The following EXOC6B variants were observed in gnomAD, a reference collection of about 807,000 sequenced individuals.
EXOC6B encodes exocyst complex component 6B.
Under a neutral mutation model 113.5 loss-of-function variants are expected in EXOC6B, and 54 were observed. The ratio of observed to expected loss-of-function variants is 0.48; its 90% confidence interval spans 0.38 to 0.60. The LOEUF (loss-of-function observed/expected upper bound fraction) is 0.60. Among genes scored for constraint, EXOC6B ranks in the 20% least tolerant of loss-of-function variants. The pLI is 0.00. For synonymous variants in EXOC6B, 357 were observed against 339.0 expected (o/e 1.05, Z -0.58); for missense variants, 797 against 977.5 (o/e 0.82, Z 2.46).
chr2:72,431,413 G>A (rs1695510285), intron 18 of EXOC6B, among the ~76,000 whole-genome samples: 1 of 152,064 alleles, frequency 6.6e-6, no homozygotes, highest in Non-Finnish European at 1.5e-5. Context: ...TTGGGCTAAA[G>A]CAATCTTCCT....
chr2:72,658,198 T>C (rs562034920), intron 6 of EXOC6B, among the ~76,000 whole-genome samples: 111 of 145,864 alleles, frequency 7.6e-4, no homozygotes, highest in African/African-American at 2.5e-3. Flanking sequence ...TCTGAATTAA[T>C]TGGAGCAGAC....
intron 20 of EXOC6B, among the ~76,000 whole-genome samples, chr2:72,264,838 T>C (rs757181214): frequency 6.6e-6 from 1 of 152,104 alleles, no homozygotes; most frequent in South Asian, 2.1e-4. Context: ...CTTTCCTCTA[T>C]GATCATAAAT....
intron 18 of EXOC6B, among the ~76,000 whole-genome samples, chr2:72,427,271 C>T (rs900578874): frequency 2.6e-5 from 4 of 152,186 alleles, no homozygotes; most frequent in Non-Finnish European, 5.9e-5. Flanking sequence ...GCCCCCACCC[C>T]AGGCTGAAAG....
intron 1 of EXOC6B, among the ~76,000 whole-genome samples, chr2:72,778,901 T>TA (rs972771596): frequency 2.0e-5 from 3 of 152,210 alleles, no homozygotes; most frequent in Middle Eastern, 3.4e-3. Flanking sequence ...TTAGTTTTTT[T>TA]AAAAAAGCAG....
chr2:72,788,747 G>A (rs930880957), intron 1 of EXOC6B, among the ~76,000 whole-genome samples: 4 of 152,116 alleles, frequency 2.6e-5, no homozygotes, highest in African/African-American at 7.2e-5. Context: ...GCAAGTGTGC[G>A]GTAATCGCAC....
chr2:72,274,183 GA>G (rs1480657103), intron 20 of EXOC6B, among the ~76,000 whole-genome samples: 2 of 152,110 alleles, frequency 1.3e-5, no homozygotes, highest in Non-Finnish European at 2.9e-5. Context: ...TGAAATCAGA[GA>G]AATAAAATTA....
At chr2:72,248,594 C>T (rs1682813182) in intron 20 of EXOC6B, among the ~76,000 whole-genome samples, 2 of 152,072 alleles carry the variant, frequency 1.3e-5, no homozygotes, top group African/African-American at 4.8e-5. Context: ...TTCATCTTCA[C>T]CTATAATTAC....
Position 72,636,406 on chromosome 2 carries a change from G to GA in EXOC6B, c.670-60739dup, listed in dbSNP as rs544635531. 9.7e-4 allele frequency among the ~76,000 whole-genome samples: 145 copies of GA among 149,150 alleles called. 3 individuals are homozygous for GA. The highest frequency in any genetic ancestry group is 3.4e-3 in the Middle Eastern group (1 of 294). ...CAAGGAAGGGAGGGAAGATGAAGAA[G>GA]AAGGAGAGGGAGGACGAGAAGAGGA... On this transcript the variant is annotated intron_variant, in intron 6 of 21. Transcript: ENST00000272427.
At chr2:72,265,590 T>C (rs1684022286) in intron 20 of EXOC6B, among the ~76,000 whole-genome samples, 1 of 151,854 alleles carries the variant, frequency 6.6e-6, no homozygotes, top group Admixed American at 6.6e-5. Context: ...AACTCATCAT[T>C]TTTTATGGCT....
chr2:72,326,169 T>G (rs191033899), intron 20 of EXOC6B, among the ~76,000 whole-genome samples: 1 of 152,236 alleles, frequency 6.6e-6, no homozygotes, highest in East Asian at 1.9e-4. Context: ...CTAGCAGTTT[T>G]CATTCAACCA....
At chr2:72,571,286 A>T (rs1704496093) in intron 7 of EXOC6B, among the ~76,000 whole-genome samples, 1 of 152,166 alleles carries the variant, frequency 6.6e-6, no homozygotes, top group South Asian at 2.1e-4. Flanking sequence ...ATGGTGGCTC[A>T]TGCCTGTAAT....
chr2:72,176,951 T>C lies in EXOC6B; in HGVS notation c.*2384A>G, dbSNP rs1248439203. On this transcript the variant is annotated 3_prime_UTR_variant, in exon 22 of 22. Transcript: ENST00000272427. ...CAAGGGTTGGCCCAGCTACAGGTTA[T>C]AGACAAAACTAAAAACATCCCACTT... The C allele has an allele frequency of 6.6e-6, 1 of 152,222 alleles. No individual in the cohort carries two copies. Among genetic ancestry groups the C allele is most frequent in the Admixed American group, 6.5e-5 (1 of 15,280 alleles). The allele number at this position is 152,222 out of a possible 1,614,324, so 9.4% of individuals were successfully genotyped here.
intron 19 of EXOC6B, among the ~76,000 whole-genome samples, chr2:72,361,906 G>C (rs757266287): frequency 6.6e-6 from 1 of 152,186 alleles, no homozygotes; most frequent in Non-Finnish European, 1.5e-5. Flanking sequence ...TGATCTTTCA[G>C]TCAGAGTGAG....
chr2:72,302,117 G>A (rs1459492254), intron 20 of EXOC6B, among the ~76,000 whole-genome samples: 1 of 152,122 alleles, frequency 6.6e-6, no homozygotes, highest in Non-Finnish European at 1.5e-5. Context: ...TTCAGGAGCA[G>A]GTTGTTTAAT....
At chr2:72,489,371 A>G (rs1699614358) in intron 16 of EXOC6B, among the ~76,000 whole-genome samples, 1 of 152,200 alleles carries the variant, frequency 6.6e-6, no homozygotes, top group Admixed American at 6.5e-5. Flanking sequence ...AAAATTGTAA[A>G]GGTAATAAAC....
chr2:72,776,367 A>C (rs1429798104), intron 1 of EXOC6B, among the ~76,000 whole-genome samples: 1 of 152,222 alleles, frequency 6.6e-6, no homozygotes, highest in Non-Finnish European at 1.5e-5. Context: ...CTATAATCCC[A>C]GCACTTTGGG....
At chr2:72,241,234 G>A (rs905570571) in intron 20 of EXOC6B, among the ~76,000 whole-genome samples, 1 of 152,148 alleles carries the variant, frequency 6.6e-6, no homozygotes, top group African/African-American at 2.4e-5. Flanking sequence ...CAGAAATGTA[G>A]AATGCCTTTG....
chr2:72,237,574 A>G (rs1261112549), intron 20 of EXOC6B, among the ~76,000 whole-genome samples: 1 of 152,204 alleles, frequency 6.6e-6, no homozygotes, highest in Admixed American at 6.5e-5. Flanking sequence ...AGCATGCTAC[A>G]CTTTGCTAGA....
At chr2:72,328,288 A>T (rs901006236) in intron 20 of EXOC6B, among the ~76,000 whole-genome samples, 11 of 152,038 alleles carry the variant, frequency 7.2e-5, no homozygotes, top group Admixed American at 2.6e-4. Flanking sequence ...GGGCTGCTAA[A>T]CCACAGCTAA....
Sources: allele counts gnomAD v4.1 joint callset (sites outside exome capture counted in the v4.1 genomes callset), GRCh38; gene constraint gnomAD v4.1.1; transcripts MANE v1.5; gene names NCBI Gene and HGNC (gene_info 2026-07-23, HGNC 2026-07-21).